Variants in DHX57 observed in about 807,000 individuals in gnomAD.
The protein encoded by DHX57 is putative ATP-dependent RNA helicase DHX57.
A neutral mutation model predicts 156.2 loss-of-function variants in DHX57; 105 were observed. That is an observed-to-expected ratio of 0.67 (90% CI 0.57 to 0.79). The LOEUF (loss-of-function observed/expected upper bound fraction) is 0.79. Ranked by LOEUF, DHX57 falls within the 30% of genes least tolerant of loss-of-function variation. The pLI is 0.00. For synonymous variants in DHX57, 704 were observed against 595.6 expected (o/e 1.18, Z -2.65); for missense variants, 1,847 against 1,661.9 (o/e 1.11, Z -1.94).
chr2:38,803,876 G>C (rs532231881), intron 22 of DHX57, among the ~76,000 whole-genome samples: 7 of 151,550 alleles, frequency 4.6e-5, no homozygotes, highest in Non-Finnish European at 8.8e-5. Context: ...CTACCTCCTA[G>C]GTTCAAGTGA....
intron 2 of DHX57, among the ~76,000 whole-genome samples, 177 bp from the exon 3 acceptor site, chr2:38,863,696 T>C (rs752343468): frequency 3.9e-5 from 6 of 152,148 alleles, no homozygotes; most frequent in Non-Finnish European, 7.4e-5. Context: ...CTTCATTATA[T>C]CAGACCTGCT....
At chr2:38,811,376 CG>C in intron 21 of DHX57, 1 of 542,824 alleles carries the variant, frequency 1.8e-6, no homozygotes, top group Non-Finnish European at 3.6e-6. Context: ...CACTTGTTTG[CG>C]GGTGATGTAA....
chr2:38,813,753 C>T, intron 21 of DHX57, 68 bp downstream of exon 21: 1 of 1,546,618 alleles, frequency 6.5e-7, no homozygotes, highest in Admixed American at 1.7e-5. Flanking sequence ...ATATGCACAT[C>T]TTAACTTACA....
intron 11 of DHX57, 116 bp from the exon 12 acceptor site, chr2:38,843,326 T>A: frequency 9.8e-7 from 1 of 1,025,504 alleles, no homozygotes; most frequent in Non-Finnish European, 1.4e-6. Flanking sequence ...CCAATTCACA[T>A]GCCATCCTTC....
In DHX57 at chr2:38,862,204, T is replaced by C; in HGVS notation, c.513A>G (p.Ser171=). 1 of 1,613,694 alleles carries C rather than the reference T, an allele frequency of 6.2e-7. No homozygotes were observed. Residue 171 remains serine (S), a synonymous_variant, in exon 4 of 24, where the codon TCA becomes TCG. Transcript: ENST00000457308. ...TAAATTCTGGAACATAAGGCTCCAC[T>C]GAGGCTAAGCCAGCATATTCCAAAG... is the stretch of plus-strand genomic sequence containing the variant. The part of the protein sequence containing the change: ...LDPLEYAGLA[S]VEPYVPEFTV...
chr2:38,828,252 G>T, intron 14 of DHX57, 88 bp downstream of exon 14: 1 of 914,402 alleles, frequency 1.1e-6, no homozygotes, highest in Non-Finnish European at 1.6e-6. Flanking sequence ...CTCGAAGACT[G>T]GTGCTCTTCC....
At chr2:38,841,809 G>C (rs544852109) in intron 12 of DHX57, among the ~76,000 whole-genome samples, 64 of 152,274 alleles carry the variant, frequency 4.2e-4, no homozygotes, top group African/African-American at 1.5e-3. Context: ...ATGGATAGAA[G>C]ACCACATAGG....
At chr2:38,836,192 A>G (rs1003365767) in intron 13 of DHX57, among the ~76,000 whole-genome samples, 1 of 152,220 alleles carries the variant, frequency 6.6e-6, no homozygotes, top group Non-Finnish European at 1.5e-5. Flanking sequence ...AAACATTTTT[A>G]GAGAAATGAA....
rs749039962 is a variant in DHX57, at chr2:38,862,163, G to A, written c.554C>T (p.Ala185Val). The A allele has an allele frequency of 8.1e-6, 13 of 1,603,138 alleles. No individual in the cohort carries two copies. The highest frequency in any genetic ancestry group is 1.1e-5 in the Non-Finnish European group (13 of 1,174,644). The change falls in exon 4 of 24, where the codon GCA (alanine) becomes GTA (valine). Residue 185 changes from alanine to valine, a missense_variant. Coordinates refer to ENST00000457308, the MANE Select transcript of DHX57 (RefSeq NM_198963.3). The part of the protein sequence containing the change: ...YVPEFTVSPF[A>V]VQKLSRYGFN... ...CAATCACCTGGAAAGTTTTTGCACT[G>A]CAAATGGGGAGACTGTAAATTCTGG...
rs1215661569 is a variant in DHX57, at chr2:38,861,269, G to T, written c.1141C>A (p.Leu381Ile). Residue 381 changes from leucine (L) to isoleucine (I), a missense_variant, in exon 5 of 24, where the codon CTA becomes ATA. Coordinates refer to ENST00000457308, the MANE Select transcript of DHX57 (RefSeq NM_198963.3). ...LVAFYSTNEN[L>I]PLACRLHISE... is the part of the protein sequence containing the mutation. The stretch of plus-strand genomic sequence containing the variant: ...ATATGTAAACGACAAGCCAGAGGTA[G>T]GTTCTCATTGGTGGAATAAAATGCC... The T allele has an allele frequency of 1.2e-6, 2 of 1,614,066 alleles. No individual in the cohort carries two copies. Among genetic ancestry groups the T allele is most frequent in the African/African-American group, 2.7e-5 (2 of 74,934 alleles).
chr2:38,805,851 G>C (rs748737768), intron 22 of DHX57, among the ~76,000 whole-genome samples: 4 of 152,182 alleles, frequency 2.6e-5, no homozygotes, highest in Non-Finnish European at 4.4e-5. Flanking sequence ...TGGGGTCTGC[G>C]TCTGTGTGTA....
intron 9 of DHX57, among the ~76,000 whole-genome samples, chr2:38,852,782 A>C (rs532299806): frequency 6.6e-6 from 1 of 151,326 alleles, no homozygotes; most frequent in Non-Finnish European, 1.5e-5. Flanking sequence ...GTCTGGCAAG[A>C]ATTTTTATTT....
chr2:38,823,045 C>G lies in DHX57; in HGVS notation c.3239G>C (p.Cys1080Ser). 1.2e-6 allele frequency: 2 copies of G among 1,614,142 alleles called. No homozygotes were observed. Among genetic ancestry groups the G allele is most frequent in the South Asian group, 1.1e-5 (1 of 91,078 alleles). ...AGCAATGGTGAGAGCAGGATCCAAACAGCGGAAGATAGACCCAAACAACAT... is the reference window on the plus strand; with the variant it reads ...AGCAATGGTGAGAGCAGGATCCAAAGAGCGGAAGATAGACCCAAACAACAT... ...KLMLFGSIFR[C>S]LDPALTIAAS... The change falls in exon 17 of 24, where the codon TGT (cysteine) becomes TCT (serine). Residue 1080 changes from cysteine (C) to serine (S), a missense_variant. Cys to Ser is a moderately radical substitution (Grantham distance 112). Coordinates refer to ENST00000457308, the MANE Select transcript of DHX57 (RefSeq NM_198963.3).
Position 38,825,938 on chromosome 2 carries a change from G to A in DHX57, c.2923C>T (p.His975Tyr). 3 of 1,614,188 alleles carry A rather than the reference G, an allele frequency of 1.9e-6. No individual in the cohort carries two copies. Among genetic ancestry groups the A allele is most frequent in the Non-Finnish European group, 2.5e-6 (3 of 1,180,036 alleles). The change falls in exon 16 of 24, where the codon CAT becomes TAT. Residue 975 changes from histidine (H) to tyrosine (Y), a missense_variant. By Grantham distance (83) the His-to-Tyr change is moderately conservative. Transcript: ENST00000457308. ...TTGTAGTGATGGCTAGTGAATAAAT[G>A]GAAGCAGACCCCAGATGCAACACGG... is the stretch of plus-strand genomic sequence containing the variant. ...AGRVASGVCF[H>Y]LFTSHHYNHQ... is the part of the protein sequence containing the mutation.
Position 38,818,997 on chromosome 2 carries a change from T to C in DHX57, c.3388-37A>G, listed in dbSNP as rs555555730. On this transcript the variant is annotated intron_variant, in intron 18 of 23. Coordinates refer to ENST00000457308, the MANE Select transcript of DHX57 (RefSeq NM_198963.3). ...AGAAAATCAAACTGAACTTACTCAGTCTTCAGTGCCAACACTGGTAATAAA... is the reference window on the plus strand; with the variant it reads ...AGAAAATCAAACTGAACTTACTCAGCCTTCAGTGCCAACACTGGTAATAAA... 7 of 1,614,008 alleles carry C rather than the reference T, an allele frequency of 4.3e-6. No homozygotes were observed. The East Asian group carries it at 1.3e-4, about 31-fold the overall frequency.
In DHX57 at chr2:38,874,458, G is replaced by A. The variant is rs935160766; in HGVS notation, c.-7+1329C>T. ...AGAGTCTCACTCTGTCGCCCAGGCT[G>A]GAGTGCACTGGCGCAGTCTCAGCTC... On this transcript the variant is annotated intron_variant, in intron 1 of 23. Coordinates refer to ENST00000457308, the MANE Select transcript of DHX57 (RefSeq NM_198963.3). Among the ~76,000 whole-genome samples the A allele has an allele frequency of 4.4e-5, 6 of 136,676 alleles. No homozygotes were observed. The Admixed American group carries it at 4.9e-4, about 11-fold the overall frequency. 89.7% of individuals were successfully genotyped at this position (136,676 alleles called of 152,430 possible). A position where few individuals can be genotyped will look rare whatever the true frequency, so the allele number is the denominator to read the frequency against.
chr2:38,848,672 C>G (rs1672419024), intron 9 of DHX57, among the ~76,000 whole-genome samples: 1 of 152,084 alleles, frequency 6.6e-6, no homozygotes, highest in South Asian at 2.1e-4. Context: ...AATGAGATAT[C>G]TGGGGGATGG....
chr2:38,823,245 A>G lies in DHX57; in HGVS notation c.3039T>C (p.Ser1013=). The change falls in exon 17 of 24, where the codon AGT becomes AGC. Residue 1013 remains serine, a synonymous_variant. Transcript: ENST00000457308. ...CLRIKILEMF[S]AHNLQSVFSR... ...AGAACACAGACTGGAGATTATGAGC[A>G]CTAAACATCTCTAAAATTTTAATTC... 3 of 1,612,760 alleles carry G rather than the reference A, an allele frequency of 1.9e-6. No homozygotes were observed. Among genetic ancestry groups the G allele is most frequent in the Non-Finnish European group, 1.7e-6 (2 of 1,179,130 alleles).
At chr2:38,854,334 G>A in intron 8 of DHX57, 156 bp from the exon 9 acceptor site, 7 of 627,814 alleles carry the variant, frequency 1.1e-5, no homozygotes, top group East Asian at 3.4e-5. Context: ...TTCTTGCCAG[G>A]GACAGTAATA....
Sources: allele counts gnomAD v4.1 joint callset (sites outside exome capture counted in the v4.1 genomes callset), GRCh38; gene constraint gnomAD v4.1.1; transcripts MANE v1.5; gene names NCBI Gene and HGNC (gene_info 2026-07-23, HGNC 2026-07-21).